Variants in MFF observed in about 807,000 individuals in gnomAD.
MFF encodes the protein chromosome 2 open reading frame 33.
MFF carries 12 observed loss-of-function variants against 36.9 expected under a neutral mutation model. The ratio of observed to expected loss-of-function variants is 0.33; its 90% CI spans 0.21 to 0.53. The LOEUF (loss-of-function observed/expected upper bound fraction) is 0.53, where lower values mean the gene tolerates loss of function less well. Ranked by LOEUF, MFF falls within the 20% of genes least tolerant of loss-of-function variation. The pLI, the probability that MFF is intolerant of heterozygous loss-of-function variation, is 0.95. For missense variants in MFF, 348 were observed against 366.6 expected (o/e 0.95, Z 0.42); for synonymous variants, 99 against 126.2 (o/e 0.78, Z 1.44).
At chr2:227,342,717 T>C (rs775088720) in intron 5 of MFF, 49 of 1,570,064 alleles carry the variant, frequency 3.1e-5, no homozygotes, top group Admixed American at 5.1e-5. Context: ...AAGCTGAATA[T>C]GTAAAAGAAG....
chr2:227,331,966 T>A lies in MFF; in HGVS notation c.182-453T>A, dbSNP rs1268919549. 1.4e-3 allele frequency among the ~76,000 whole-genome samples: 143 copies of A among 102,410 alleles called. 17 individuals carry two copies. Among genetic ancestry groups the A allele is most frequent in the African/African-American group, 5.3e-3 (102 of 19,420 alleles). The allele number at this position is 102,410 out of a possible 152,430, so 67.2% of individuals were successfully genotyped here. On this transcript the variant is annotated intron_variant, in intron 3 of 8. Coordinates refer to ENST00000304593, the MANE Select transcript of MFF (RefSeq NM_001277062.2). Reference sequence around the variant, plus strand: ...TGTCAATACGCTGGAAGCATTTTTTTTTTTTTTTTTTTTTTTTTTTTTTGA... The same window carrying A: ...TGTCAATACGCTGGAAGCATTTTTTATTTTTTTTTTTTTTTTTTTTTTTGA...
intron 6 of MFF, among the ~76,000 whole-genome samples, chr2:227,351,003 A>G (rs1468040130): frequency 6.6e-6 from 1 of 152,228 alleles, no homozygotes; most frequent in Admixed American, 6.5e-5. Flanking sequence ...GCGTTATAAA[A>G]GGGAAATCTC....
At chr2:227,352,245 A>C in intron 6 of MFF, 1 of 332,330 alleles carries the variant, frequency 3.0e-6, no homozygotes, top group East Asian at 5.2e-5. Flanking sequence ...AGCACCAAGA[A>C]AATTATTTTA....
intron 3 of MFF, 109 bp downstream of exon 3, chr2:227,330,955 C>A: frequency 2.4e-6 from 2 of 820,268 alleles, no homozygotes; most frequent in Non-Finnish European, 3.8e-6. Flanking sequence ...TTGGAAAATG[C>A]AACTTTATAC....
chr2:227,352,366 T>A, intron 6 of MFF, 148 bp from the exon 7 acceptor site: 1 of 594,218 alleles, frequency 1.7e-6, no homozygotes. Context: ...GACAAGGATT[T>A]TTTAAAGTAG....
rs1467271683 is a variant in MFF, at chr2:227,326,661, A to G, written c.-153+1234A>G. Among the ~76,000 whole-genome samples, 4 of 152,194 alleles carry G rather than the reference A, an allele frequency of 2.6e-5. No homozygotes were observed. The East Asian group carries it at 7.7e-4, about 29-fold the overall frequency. The stretch of plus-strand genomic sequence containing the variant: ...CTTATTTTAAAGTTCATTAATATAT[A>G]GTTTTAAAAGTTTGCAGTGACTTTT... On this transcript the variant is annotated intron_variant, in intron 1 of 8. Coordinates refer to ENST00000304593, the MANE Select transcript of MFF (RefSeq NM_001277062.2).
At position 227,332,399 on chromosome 2, in the gene MFF, CTT is replaced by C; in HGVS notation, c.182-17_182-16del. 1 of 1,505,796 alleles carries C rather than the reference CTT, an allele frequency of 6.6e-7. No homozygotes were observed. Among genetic ancestry groups the C allele is most frequent in the Non-Finnish European group, 8.9e-7 (1 of 1,129,388 alleles). 93.3% of individuals were successfully genotyped at this position (1,505,796 alleles called of 1,614,324 possible). ...CCTCCCGCTTTTCTCTTCTTTGTCT[CTT>C]TTCTTGAAAACTCCTAGGAAATAAT... On this transcript the variant is annotated intron_variant, in intron 3 of 8. Transcript: ENST00000304593.
rs1332431563 is a variant in MFF at position 227,347,246 on chromosome 2, AG to A, written c.463del (p.Ala155LeufsTer72). On this transcript the variant is annotated frameshift_variant, in exon 6 of 9. Coordinates refer to ENST00000304593, the MANE Select transcript of MFF (RefSeq NM_001277062.2). LOFTEE classifies it high-confidence loss of function. ...NDSLVTPSPQQARVCPPHMLP... is the reference protein window; with the variant it reads ...NDSLVTPSPQXARVCPPHMLP... ...AACAGTGTGACACCATCGCCACAAC[AG>A]GCTCGGGTCTGTCCTCCCCATATGT... 1 of 1,613,698 alleles carries A rather than the reference AG, an allele frequency of 6.2e-7. No homozygotes were observed. The highest frequency in any genetic ancestry group is 1.7e-5 in the Admixed American group (1 of 59,992).
chr2:227,357,081 C>T lies in MFF; in HGVS notation c.840C>T (p.Phe280=). Reference sequence around the variant, plus strand: ...TCATGTATTCAATTACTGTAGCTTTCTGGCTGCTTAATAGCTGGCTCTGGT... The same window carrying T: ...TCATGTATTCAATTACTGTAGCTTTTTGGCTGCTTAATAGCTGGCTCTGGT... ...EMVMYSITVA[F]WLLNSWLWFR... is the part of the protein sequence containing the mutation. Residue 280 remains phenylalanine (F), a synonymous_variant, in exon 9 of 9, where the codon TTC becomes TTT. Transcript: ENST00000304593. 3 of 1,612,380 alleles carry T rather than the reference C, an allele frequency of 1.9e-6. No homozygotes were observed. The highest frequency in any genetic ancestry group is 1.1e-5 in the South Asian group (1 of 91,006).
intron 2 of MFF, chr2:227,329,821 G>C: frequency 6.8e-7 from 1 of 1,466,910 alleles, no homozygotes; most frequent in Non-Finnish European, 9.5e-7. Context: ...GGTATTATAG[G>C]TTTGAGAGAC....
rs1244979239 is a variant in MFF at position 227,356,973 on chromosome 2, G to T, written c.745-13G>T. 6.5e-7 allele frequency: 1 copy of T among 1,544,758 alleles called. No individual in the cohort carries two copies. The highest frequency in any genetic ancestry group is 8.8e-7 in the Non-Finnish European group (1 of 1,138,758). ...TCTATATTATATTTTTTGTGTGTTT[G>T]TTTTTCACTTAGATAATCAAACTAA... On this transcript the variant is annotated splice_polypyrimidine_tract_variant and intron_variant, in intron 8 of 8. Transcript: ENST00000304593.
intron 4 of MFF, among the ~76,000 whole-genome samples, chr2:227,333,890 CCT>C (rs2074788602): frequency 1.3e-5 from 2 of 152,078 alleles, no homozygotes; most frequent in Admixed American, 6.6e-5. Context: ...CAAGCAATTC[CCT>C]GATTGATTAT....
chr2:227,343,686 G>A (rs1484500605), intron 5 of MFF, among the ~76,000 whole-genome samples: 1 of 152,180 alleles, frequency 6.6e-6, no homozygotes. Context: ...AAAACTCAAA[G>A]AGGTACTTGA....
chr2:227,330,600 C>A, intron 2 of MFF, 26 bp from the exon 3 acceptor site: 2 of 1,352,114 alleles, frequency 1.5e-6, no homozygotes, highest in Non-Finnish European at 2.0e-6. Flanking sequence ...AACAGTCAGC[C>A]CTGTCTTTAA....
Position 227,357,332 on chromosome 2 carries a change from A to C in MFF, c.*215A>C. The C allele has an allele frequency of 2.5e-6, 1 of 399,636 alleles. No individual in the cohort carries two copies. Among genetic ancestry groups the C allele is most frequent in the Non-Finnish European group, 4.4e-6 (1 of 226,718 alleles). The allele number at this position is 399,636 out of a possible 1,614,324, so 24.8% of individuals were successfully genotyped here. A position where few individuals can be genotyped will look rare whatever the true frequency, so the allele number is the denominator to read the frequency against. On this transcript the variant is annotated 3_prime_UTR_variant, in exon 9 of 9. Transcript: ENST00000304593. ...ATTCACGTCTGAGCAGTTCTGCAGT[A>C]ACACCTGCTTAAAATTCTCCCTTTG...
At chr2:227,336,385 C>A (rs1029854215) in intron 4 of MFF, among the ~76,000 whole-genome samples, 29 of 152,188 alleles carry the variant, frequency 1.9e-4, no homozygotes, top group Non-Finnish European at 2.9e-5. Flanking sequence ...AGGAGAAATA[C>A]GAGAATACTA....
intron 8 of MFF, 67 bp from the exon 9 acceptor site, chr2:227,356,919 A>C: frequency 8.1e-7 from 1 of 1,232,108 alleles, no homozygotes; most frequent in Non-Finnish European, 1.1e-6. Flanking sequence ...TTACTTTATA[A>C]GAATCTGATT....
At chr2:227,337,244 C>T (rs1397429300) in intron 4 of MFF, among the ~76,000 whole-genome samples, 1 of 152,256 alleles carries the variant, frequency 6.6e-6, no homozygotes, top group Non-Finnish European at 1.5e-5. Flanking sequence ...GCTATGTGTC[C>T]TTCCCAAAAC....
At chr2:227,331,964 T>C (rs1482343211) in intron 3 of MFF, among the ~76,000 whole-genome samples, 1 of 83,866 alleles carries the variant, frequency 1.2e-5, no homozygotes, top group Non-Finnish European at 2.2e-5. Context: ...GAAGCATTTT[T>C]TTTTTTTTTT....
Sources: gnomAD v4.1 joint callset for allele counts (sites outside exome capture counted in the v4.1 genomes callset) on GRCh38, gnomAD v4.1.1 for gene constraint, MANE v1.5 for transcripts, NCBI Gene and HGNC (gene_info 2026-07-23, HGNC 2026-07-21) for gene names.